AKAP13: variants seen among roughly 807,000 people sequenced by gnomAD.
AKAP13 encodes A-kinase anchor protein 13.
Under a neutral mutation model 264.5 loss-of-function variants are expected in AKAP13, and 80 were observed. The ratio of observed to expected loss-of-function variants is 0.30; its 90% CI spans 0.25 to 0.36. AKAP13 has a LOEUF of 0.36. Among genes scored for constraint, AKAP13 ranks in the 10% least tolerant of loss-of-function variants. The pLI is 1.00. For missense variants in AKAP13, 3,712 were observed against 3,435.2 expected (o/e 1.08, Z -2.01); for synonymous variants, 1,380 against 1,250.2 (o/e 1.10, Z -2.19).
rs75981545 is a variant in AKAP13 at position 85,712,005 on chromosome 15, T to A, written c.5599+1360T>A. Among the ~76,000 whole-genome samples, 71 of 152,274 alleles carry A rather than the reference T, an allele frequency of 4.7e-4. No homozygotes were observed. In the East Asian group the frequency reaches 0.012, roughly 26 times the overall value. On this transcript the variant is annotated intron_variant, in intron 19 of 36. Transcript: ENST00000394518. ...GCGCCGCTATGCCTGGCTGATTTTT[T>A]AATTTTTTTGTAGAGACGGGGTCTC...
At chr15:85,478,061 T>C (rs2075232254) in intron 1 of AKAP13, among the ~76,000 whole-genome samples, 1 of 152,222 alleles carries the variant, frequency 6.6e-6, no homozygotes, top group African/African-American at 2.4e-5. Context: ...CCCCATCTTC[T>C]AGAGAGTTTA....
At chr15:85,466,319 T>A (rs1334443344) in intron 1 of AKAP13, among the ~76,000 whole-genome samples, 1 of 152,172 alleles carries the variant, frequency 6.6e-6, no homozygotes, top group Non-Finnish European at 1.5e-5. Context: ...TTCACTCTGA[T>A]GGTAGTTTCT....
intron 16 of AKAP13, chr15:85,690,158 A>G (rs1487425372): frequency 6.6e-6 from 1 of 152,284 alleles, no homozygotes; most frequent in African/African-American, 2.4e-5. Flanking sequence ...AGAAAGAGCC[A>G]GTGGAGTTGG....
intron 11 of AKAP13, 104 bp downstream of exon 11, chr15:85,655,891 A>G (rs2151519774): frequency 1.4e-6 from 2 of 1,468,126 alleles, no homozygotes; most frequent in Non-Finnish European, 1.8e-6. Flanking sequence ...ACCCCATAGT[A>G]TAGAAGAAAG....
chr15:85,516,004 C>T (rs1259261757), intron 2 of AKAP13, among the ~76,000 whole-genome samples: 5 of 152,072 alleles, frequency 3.3e-5, no homozygotes, highest in Admixed American at 2.6e-4. Context: ...TTTTTAACAA[C>T]AAAGATGTTA....
chr15:85,458,393 G>GTTTTTTTTTTTTTT (rs4037636), intron 1 of AKAP13, among the ~76,000 whole-genome samples: 7 of 120,664 alleles, frequency 5.8e-5, no homozygotes, highest in African/African-American at 2.0e-4. Flanking sequence ...TTTGTTTTTT[G>GTTTTTTTTTTTTTT]TTTTTTTTTT....
chr15:85,387,343 CA>C (rs1185989518), intron 1 of AKAP13, among the ~76,000 whole-genome samples: 1 of 151,566 alleles, frequency 6.6e-6, no homozygotes, highest in Non-Finnish European at 1.5e-5. Context: ...CTTAAAAAAA[CA>C]AAAAAAGATA....
At chr15:85,686,535 C>G (rs955106637) in intron 16 of AKAP13, among the ~76,000 whole-genome samples, 6 of 151,532 alleles carry the variant, frequency 4.0e-5, no homozygotes, top group Non-Finnish European at 8.8e-5. Flanking sequence ...GGGAGAGATG[C>G]AAAGAGTCTA....
intron 5 of AKAP13, among the ~76,000 whole-genome samples, chr15:85,558,759 T>G (rs2078241497): frequency 6.6e-6 from 1 of 152,224 alleles, no homozygotes; most frequent in African/African-American, 2.4e-5. Context: ...TCTCATGATC[T>G]TCAGAAATAA....
intron 29 of AKAP13, among the ~76,000 whole-genome samples, chr15:85,728,953 GT>G (rs2087784850): frequency 6.6e-6 from 1 of 152,102 alleles, no homozygotes; most frequent in South Asian, 2.1e-4. Flanking sequence ...GTTAGGATAG[GT>G]TAAGTGAGAA....
chr15:85,459,700 C>A (rs547630410), intron 1 of AKAP13, among the ~76,000 whole-genome samples: 1 of 152,032 alleles, frequency 6.6e-6, no homozygotes, highest in Non-Finnish European at 1.5e-5. Context: ...GGGGTTTCAC[C>A]GTGTTAGCCA....
chr15:85,401,325 G>C (rs2071411871), intron 1 of AKAP13, among the ~76,000 whole-genome samples: 1 of 152,038 alleles, frequency 6.6e-6, no homozygotes, highest in South Asian at 2.1e-4. Context: ...TCGTTATGAA[G>C]TCTAGATGTT....
chr15:85,675,368 G>A (rs900449947), intron 14 of AKAP13, among the ~76,000 whole-genome samples: 5 of 152,238 alleles, frequency 3.3e-5, no homozygotes, highest in Non-Finnish European at 7.3e-5. Flanking sequence ...ACAGCAAATA[G>A]TGATGTCACT....
chr15:85,680,363 C>T (rs976632248), intron 14 of AKAP13, among the ~76,000 whole-genome samples: 9 of 151,898 alleles, frequency 5.9e-5, no homozygotes, highest in Non-Finnish European at 1.0e-4. Context: ...TATTTTACAC[C>T]TAGATTATGC....
chr15:85,740,440 C>A, intron 34 of AKAP13, 168 bp downstream of exon 34: 1 of 662,828 alleles, frequency 1.5e-6, no homozygotes, highest in Non-Finnish European at 2.5e-6. Flanking sequence ...AATGCATCGA[C>A]CTTCCAGGAC....
chr15:85,398,658 C>G (rs1388653316), intron 1 of AKAP13, among the ~76,000 whole-genome samples: 1 of 152,168 alleles, frequency 6.6e-6, no homozygotes, highest in Non-Finnish European at 1.5e-5. Context: ...CAGGTTCAAG[C>G]AACTCTCCTG....
Position 85,579,626 on chromosome 15 carries a change from G to C in AKAP13, c.1558G>C (p.Asp520His). 6.2e-7 allele frequency: 1 copy of C among 1,614,222 alleles called. No individual in the cohort carries two copies. The highest frequency in any genetic ancestry group is 8.5e-7 in the Non-Finnish European group (1 of 1,180,042). Residue 520 changes from aspartate (D) to histidine (H), a missense_variant, in exon 7 of 37, where the codon GAC becomes CAC. Asp to His is a moderately conservative substitution (Grantham distance 81, BLOSUM62 -1). Transcript: ENST00000394518. The part of the protein sequence containing the change: ...NSNIGTAGAS[D>H]VHVTSKPVDK... ...TAATATTGGCACAGCTGGAGCCTCT[G>C]ACGTGCACGTCACAAGTAAGCCTGT...
In AKAP13 at chr15:85,664,691, T is replaced by C. The variant is rs775964471; in HGVS notation, c.4928T>C (p.Leu1643Ser). The C allele has an allele frequency of 8.1e-6, 13 of 1,614,102 alleles. No individual in the cohort carries two copies. Among genetic ancestry groups the C allele is most frequent in the Non-Finnish European group, 9.3e-6 (11 of 1,179,952 alleles). Residue 1643 changes from leucine (L) to serine (S), a missense_variant, in exon 13 of 37, where the codon TTG (leucine) becomes TCG (serine). Coordinates refer to ENST00000394518, the MANE Select transcript of AKAP13 (RefSeq NM_007200.5). ...AGTGGTGAGGAACGGGTTGACTCTTTGGTGTCACTTTCAGAAGAGGATCTG... is the reference window on the plus strand; with the variant it reads ...AGTGGTGAGGAACGGGTTGACTCTTCGGTGTCACTTTCAGAAGAGGATCTG... ...PFSGEERVDS[L>S]VSLSEEDLES...
intron 2 of AKAP13, among the ~76,000 whole-genome samples, chr15:85,519,574 C>A (rs1400814266): frequency 4.6e-5 from 7 of 152,168 alleles, no homozygotes. Flanking sequence ...ACACATTTTA[C>A]CAGGCTAAGC....
Sources: allele counts gnomAD v4.1 joint callset (sites outside exome capture counted in the v4.1 genomes callset), GRCh38; gene constraint gnomAD v4.1.1; transcripts MANE v1.5; gene names NCBI Gene and HGNC (gene_info 2026-07-23, HGNC 2026-07-21).